The following TP63 variants were observed in gnomAD, a reference collection of about 807,000 sequenced individuals.
TP63 encodes the protein tumor protein p63, also known as tumor protein 63.
Under a neutral mutation model 82.8 loss-of-function variants are expected in TP63, and 17 were observed. The observed-to-expected ratio is 0.21, with a 90% confidence interval of 0.14 to 0.31. The LOEUF is 0.31. TP63 is among the 10% of genes least tolerant of loss of function. The pLI is 1.00. For synonymous variants in TP63, 330 were observed against 321.7 expected (o/e 1.03, Z -0.28); for missense variants, 648 against 895.3 (o/e 0.72, Z 3.52).
chr3:189,882,445 C>T (rs7433468), intron 10 of TP63, among the ~76,000 whole-genome samples: 1 of 148,200 alleles, frequency 6.7e-6, no homozygotes, highest in Admixed American at 6.8e-5. Flanking sequence ...GATTCTTTTT[C>T]TGATGGTCCA....
At chr3:189,845,987 G>T (rs1055487212) in intron 4 of TP63, among the ~76,000 whole-genome samples, 1 of 151,766 alleles carries the variant, frequency 6.6e-6, no homozygotes, top group South Asian at 2.1e-4. Context: ...GAAAAATTAC[G>T]CAGGTGTGTG....
At chr3:189,615,971 A>G in the TP63 span, among the ~76,000 whole-genome samples, 34 of 152,326 alleles carry the variant, frequency 2.2e-4, no homozygotes, top group East Asian at 2.5e-3. Flanking sequence ...ATCTGGCACT[A>G]TTAGCTGAGC....
intron 1 of TP63, among the ~76,000 whole-genome samples, chr3:189,721,450 A>G (rs1553820739): frequency 6.6e-6 from 1 of 152,284 alleles, no homozygotes; most frequent in Non-Finnish European, 1.5e-5. Context: ...AGACAGTGAA[A>G]AATATATGGA....
the TP63 span, among the ~76,000 whole-genome samples, chr3:189,619,375 C>A: frequency 6.6e-6 from 1 of 152,184 alleles, no homozygotes; most frequent in Non-Finnish European, 1.5e-5. Context: ...GTCTGCAAAA[C>A]CAACTTATCA....
At chr3:189,813,857 C>G (rs961463156) in intron 4 of TP63, among the ~76,000 whole-genome samples, 1 of 152,182 alleles carries the variant, frequency 6.6e-6, no homozygotes, top group East Asian at 1.9e-4. Context: ...AATTCTGACT[C>G]TGATTGTTAA....
chr3:189,680,115 T>C (rs188266550), intron 1 of TP63, among the ~76,000 whole-genome samples: 35 of 152,226 alleles, frequency 2.3e-4, no homozygotes, highest in African/African-American at 8.4e-4. Context: ...TATGTTTTTT[T>C]TCTCTATGTC....
At chr3:189,803,606 C>T (rs1282879859) in intron 3 of TP63, among the ~76,000 whole-genome samples, 1 of 152,132 alleles carries the variant, frequency 6.6e-6, no homozygotes, top group Non-Finnish European at 1.5e-5. Flanking sequence ...TTCAGAATGC[C>T]CTCAGGGTGT....
intron 4 of TP63, among the ~76,000 whole-genome samples, chr3:189,847,986 G>A (rs576731313): frequency 1.3e-4 from 20 of 152,116 alleles, no homozygotes; most frequent in Non-Finnish European, 2.2e-4. Context: ...ACTCTGGCAC[G>A]AATACACCAG....
At chr3:189,754,894 T>C (rs898303512) in intron 3 of TP63, among the ~76,000 whole-genome samples, 6 of 152,114 alleles carry the variant, frequency 3.9e-5, no homozygotes, top group Non-Finnish European at 8.8e-5. Flanking sequence ...ATGTTGAGTA[T>C]CCACTTTTTT....
At chr3:189,664,025 C>G (rs1344552530) in intron 1 of TP63, among the ~76,000 whole-genome samples, 1 of 152,108 alleles carries the variant, frequency 6.6e-6, no homozygotes, top group South Asian at 2.1e-4. Flanking sequence ...TTTTAAATAT[C>G]TAAAAACATG....
the TP63 span, among the ~76,000 whole-genome samples, chr3:189,613,001 T>A: frequency 2.6e-5 from 4 of 152,124 alleles, no homozygotes; most frequent in African/African-American, 9.7e-5. Flanking sequence ...AAGTGGAGCA[T>A]ACAACTTTGG....
intron 1 of TP63, among the ~76,000 whole-genome samples, chr3:189,702,850 T>C (rs1009261053): frequency 3.3e-5 from 5 of 152,248 alleles, no homozygotes; most frequent in African/African-American, 1.2e-4. Context: ...ACCATTGATA[T>C]GATTGGAAAT....
chr3:189,672,915 A>G (rs1458255596), intron 1 of TP63, among the ~76,000 whole-genome samples: 2 of 152,166 alleles, frequency 1.3e-5, no homozygotes, highest in Non-Finnish European at 2.9e-5. Context: ...ATCTTGGCTT[A>G]CTGCAACCTC....
At chr3:189,855,894 A>C (rs1278694207) in intron 4 of TP63, among the ~76,000 whole-genome samples, 1 of 152,070 alleles carries the variant, frequency 6.6e-6, no homozygotes, top group Non-Finnish European at 1.5e-5. Flanking sequence ...AGACGTTGAC[A>C]AAAGTTTTAA....
At chr3:189,755,906 T>C (rs1471487465) in intron 3 of TP63, among the ~76,000 whole-genome samples, 1 of 152,152 alleles carries the variant, frequency 6.6e-6, no homozygotes, top group Non-Finnish European at 1.5e-5. Context: ...CGATATACCT[T>C]TGATTGTGGT....
intron 11 of TP63, among the ~76,000 whole-genome samples, chr3:189,886,935 A>G (rs941865464): frequency 2.0e-5 from 3 of 152,114 alleles, no homozygotes; most frequent in South Asian, 4.2e-4. Flanking sequence ...TAGGCCGGGC[A>G]TGGTGGCTCA....
At chr3:189,666,669 T>G (rs1473764949) in intron 1 of TP63, among the ~76,000 whole-genome samples, 1 of 152,172 alleles carries the variant, frequency 6.6e-6, no homozygotes, top group Non-Finnish European at 1.5e-5. Flanking sequence ...ATATGGCAGT[T>G]GATTTACCTT....
At chr3:189,674,802 C>T (rs900359939) in intron 1 of TP63, among the ~76,000 whole-genome samples, 1 of 152,044 alleles carries the variant, frequency 6.6e-6, no homozygotes, top group Non-Finnish European at 1.5e-5. Flanking sequence ...CACAGAACTG[C>T]CCTCTGCAGC....
intron 3 of TP63, among the ~76,000 whole-genome samples, chr3:189,754,582 G>A (rs6782443): frequency 4.6e-5 from 7 of 151,996 alleles, no homozygotes; most frequent in Admixed American, 1.3e-4. Context: ...CCTCCTTGCC[G>A]TGTGCCTTTT....
Sources: allele counts gnomAD v4.1 joint callset (sites outside exome capture counted in the v4.1 genomes callset), GRCh38; gene constraint gnomAD v4.1.1; transcripts MANE v1.5; gene names NCBI Gene and HGNC (gene_info 2026-07-23, HGNC 2026-07-21).